FRMD4B: variants seen among roughly 807,000 people sequenced by gnomAD.
FRMD4B encodes the protein FERM domain containing 4B, also known as FERM domain-containing protein 4B.
FRMD4B carries 74 observed loss-of-function variants against 141.5 expected under a neutral mutation model. The ratio of observed to expected loss-of-function variants is 0.52; its 90% CI spans 0.43 to 0.63. The LOEUF is 0.63. FRMD4B is among the 30% of genes least tolerant of loss of function. The pLI, the probability that FRMD4B is intolerant of heterozygous loss-of-function variation, is 0.00. For missense variants in FRMD4B, 1,366 were observed against 1,253.4 expected, an observed-to-expected ratio of 1.09 and a Z score of -1.36; for synonymous variants, 506 against 467.9, an observed-to-expected ratio of 1.08 and a Z score of -1.05.
At chr3:69,453,073 T>C (rs1419125540) in intron 1 of FRMD4B, among the ~76,000 whole-genome samples, 1 of 152,228 alleles carries the variant, frequency 6.6e-6, no homozygotes, top group Non-Finnish European at 1.5e-5. Context: ...GTGTGGCTAA[T>C]GGCTTCCATA....
In FRMD4B at chr3:69,537,540, G is replaced by T. The variant is rs934734667; in HGVS notation, c.-129+4666C>A. On this transcript the variant is annotated intron_variant, in intron 1 of 5. Coordinates refer to the FRMD4B transcript ENST00000459638. ...TGCACATAAATGAAAACAGGATCAC[G>T]ATCACCCCCTTGTAAGAGGTTTTGG... is the stretch of plus-strand genomic sequence containing the variant. 3.3e-5 allele frequency among the ~76,000 whole-genome samples: 5 copies of T among 152,162 alleles called. No individual in the cohort carries two copies. In the South Asian group the frequency reaches 1.0e-3, roughly 32 times the overall value.
chr3:69,205,956 T>C (rs1038028559), intron 11 of FRMD4B, among the ~76,000 whole-genome samples: 2 of 152,198 alleles, frequency 1.3e-5, no homozygotes, highest in Non-Finnish European at 2.9e-5. Context: ...TTGACCAGAC[T>C]AGAAGAGTCA....
rs1015557128 is a variant in FRMD4B, at chr3:69,474,888, T to G, written c.-128-42127A>C. Among the ~76,000 whole-genome samples the G allele has an allele frequency of 4.6e-5, 7 of 152,136 alleles. No homozygotes were observed. The East Asian group carries it at 7.7e-4, about 17-fold the overall frequency. On this transcript the variant is annotated intron_variant, in intron 1 of 5. Coordinates refer to the FRMD4B transcript ENST00000459638. Reference sequence around the variant, plus strand: ...ATGCTATCAAAGGGGAAAGAGAGGATGCTAGGAAAGCCTATAGACAGAGCA... The same window carrying G: ...ATGCTATCAAAGGGGAAAGAGAGGAGGCTAGGAAAGCCTATAGACAGAGCA...
intron 2 of FRMD4B, among the ~76,000 whole-genome samples, chr3:69,403,553 T>A (rs1704602608): frequency 6.6e-6 from 1 of 152,162 alleles, no homozygotes; most frequent in Non-Finnish European, 1.5e-5. Flanking sequence ...ATTCCTGCCG[T>A]TGCTACTAAA....
At chr3:69,456,713 G>A (rs1266107384) in intron 1 of FRMD4B, among the ~76,000 whole-genome samples, 2 of 147,216 alleles carry the variant, frequency 1.4e-5, no homozygotes, top group African/African-American at 2.5e-5. Flanking sequence ...GACAGTTTAC[G>A]TAGTATGATT....
intron 1 of FRMD4B, among the ~76,000 whole-genome samples, chr3:69,357,630 G>A (rs900670): frequency 0.38 from 57,793 of 151,966 alleles, 13,495 homozygotes; most frequent in African/African-American, 0.66. Context: ...TTTGTCTTTA[G>A]GAGAAGCTTT....
At chr3:69,374,716 CAG>C (rs1208207647) in intron 1 of FRMD4B, among the ~76,000 whole-genome samples, 1 of 152,082 alleles carries the variant, frequency 6.6e-6, no homozygotes, top group Non-Finnish European at 1.5e-5. Flanking sequence ...TAGTATAAAC[CAG>C]ACAGTAGCAT....
rs1332030720 is a variant in FRMD4B, at chr3:69,187,758, A to G, written c.1919+12T>C. 6.2e-7 allele frequency: 1 copy of G among 1,604,976 alleles called. No individual in the cohort carries two copies. The highest frequency in any genetic ancestry group is 8.5e-7 in the Non-Finnish European group (1 of 1,176,654). ...GTGGGGCATTAACCTTACTGATGAT[A>G]TGACCTCTCACCTGGACTGCCTGGT... On this transcript the variant is annotated intron_variant, in intron 19 of 22. Transcript: ENST00000398540.
chr3:69,215,775 C>T (rs561563048), intron 11 of FRMD4B, among the ~76,000 whole-genome samples: 109 of 152,226 alleles, frequency 7.2e-4, no homozygotes, highest in African/African-American at 2.5e-3. Context: ...ATATGTCTAC[C>T]ATCCAATTCA....
intron 1 of FRMD4B, among the ~76,000 whole-genome samples, chr3:69,524,994 G>C (rs1469191281): frequency 6.6e-6 from 1 of 152,176 alleles, no homozygotes; most frequent in Non-Finnish European, 1.5e-5. Flanking sequence ...GAAGAGCTGG[G>C]CACTGCCCAA....
intron 7 of FRMD4B, among the ~76,000 whole-genome samples, chr3:69,245,330 TGTGTGTGTGTGTG>T (rs2093415737): frequency 1.3e-5 from 2 of 150,192 alleles, no homozygotes; most frequent in African/African-American, 5.0e-5. Flanking sequence ...TGTGTGTGTG[TGTGTGTGTGTGTG>T]TGTGTGTGTG....
At chr3:69,180,246 CAAAAAAAAAA>C (rs71115658) in intron 21 of FRMD4B, among the ~76,000 whole-genome samples, 2 of 101,022 alleles carry the variant, frequency 2.0e-5, no homozygotes, top group Non-Finnish European at 2.0e-5. Flanking sequence ...CTTGTTTCTA[CAAAAAAAAAA>C]AAAAAAAAAA....
intron 1 of FRMD4B, among the ~76,000 whole-genome samples, chr3:69,344,780 C>T (rs1275564570): frequency 6.6e-6 from 1 of 152,100 alleles, no homozygotes; most frequent in Non-Finnish European, 1.5e-5. Flanking sequence ...AAGCATGTTC[C>T]TGAAAGAATA....
chr3:69,538,302 GA>G (rs56060421), intron 1 of FRMD4B, among the ~76,000 whole-genome samples: 22,202 of 152,088 alleles, frequency 0.15, 1,763 homozygotes, highest in South Asian at 0.24. Flanking sequence ...CCATATGTAA[GA>G]AAAAAATATA....
chr3:69,482,965 C>T (rs1470458645), intron 1 of FRMD4B, among the ~76,000 whole-genome samples: 1 of 152,222 alleles, frequency 6.6e-6, no homozygotes, highest in African/African-American at 2.4e-5. Flanking sequence ...GCAGGAGGAC[C>T]TAGATAGAAC....
chr3:69,218,009 C>G (rs554898853), intron 10 of FRMD4B, among the ~76,000 whole-genome samples: 1 of 152,010 alleles, frequency 6.6e-6, no homozygotes, highest in Non-Finnish European at 1.5e-5. Flanking sequence ...GTTGAAATAA[C>G]GCTGGAGACT....
chr3:69,274,567 G>A (rs942113468), intron 5 of FRMD4B, among the ~76,000 whole-genome samples: 28 of 152,090 alleles, frequency 1.8e-4, no homozygotes, highest in African/African-American at 6.3e-4. Flanking sequence ...CACCCAGGCT[G>A]GAGTGCAGTG....
chr3:69,228,835 TAA>T (rs71115665), intron 7 of FRMD4B, among the ~76,000 whole-genome samples: 24 of 141,248 alleles, frequency 1.7e-4, no homozygotes, highest in Non-Finnish European at 1.5e-4. Context: ...TTCTCTTATT[TAA>T]AAAAAAAAAA....
chr3:69,439,007 A>T (rs996886539), intron 1 of FRMD4B, among the ~76,000 whole-genome samples: 25 of 152,140 alleles, frequency 1.6e-4, no homozygotes, highest in African/African-American at 5.6e-4. Flanking sequence ...TCATCTTCAG[A>T]AGCAACCATT....
Sources: allele counts gnomAD v4.1 joint callset (sites outside exome capture counted in the v4.1 genomes callset), GRCh38; gene constraint gnomAD v4.1.1; transcripts MANE v1.5; gene names NCBI Gene and HGNC (gene_info 2026-07-23, HGNC 2026-07-21).